The following GPHN variants were observed in gnomAD, a reference collection of about 807,000 sequenced individuals.
GPHN encodes the protein gephyrin.
GPHN carries 17 observed loss-of-function variants against 95.5 expected under a neutral mutation model. That is an observed-to-expected ratio of 0.18 (90% CI 0.12 to 0.27). The LOEUF (loss-of-function observed/expected upper bound fraction) is 0.27, where lower values mean the gene tolerates loss of function less well. Among genes scored for constraint, GPHN ranks in the 10% least tolerant of loss-of-function variants. GPHN has a pLI of 1.00. For missense variants in GPHN, 660 were observed against 978.1 expected (o/e 0.67, Z 4.34); for synonymous variants, 320 against 322.5 (o/e 0.99, Z 0.08).
intron 1 of GPHN, among the ~76,000 whole-genome samples, chr14:66,593,563 C>G (rs1379812144): frequency 6.6e-6 from 1 of 152,146 alleles, no homozygotes; most frequent in Admixed American, 6.5e-5. Flanking sequence ...GCCCAAGATC[C>G]AGTCACCTCC....
At chr14:67,159,291 C>T (rs2153717571) in intron 18 of GPHN, 124 bp from the exon 19 acceptor site, 1 of 733,886 alleles carries the variant, frequency 1.4e-6, no homozygotes, top group African/African-American at 1.8e-5. Context: ...AGCAAATCAA[C>T]TCCATTAAAA....
the GPHN span, among the ~76,000 whole-genome samples, chr14:67,549,184 G>A: frequency 6.6e-6 from 1 of 152,288 alleles, no homozygotes; most frequent in Non-Finnish European, 1.5e-5. Flanking sequence ...TGTGCTCACA[G>A]ATCTGATTTG....
the GPHN span, chr14:67,197,307 G>C: frequency 6.6e-6 from 1 of 152,170 alleles, no homozygotes; most frequent in African/African-American, 2.4e-5. Flanking sequence ...AAACTGAAGT[G>C]AGTTAAAAAC....
chr14:66,721,510 T>C (rs1286417851), intron 2 of GPHN, among the ~76,000 whole-genome samples: 2 of 152,172 alleles, frequency 1.3e-5, no homozygotes, highest in Non-Finnish European at 2.9e-5. Context: ...CAGTTCTTAT[T>C]TGACAGTACT....
chr14:67,663,470 G>A, the GPHN span, among the ~76,000 whole-genome samples: 30 of 152,016 alleles, frequency 2.0e-4, no homozygotes, highest in African/African-American at 6.7e-4. Flanking sequence ...TCAGGAGATC[G>A]AGACCATCCT....
At chr14:66,961,613 G>A (rs1477348131) in intron 8 of GPHN, among the ~76,000 whole-genome samples, 4 of 151,212 alleles carry the variant, frequency 2.6e-5, no homozygotes, top group African/African-American at 2.4e-5. Context: ...GGATTTGAAC[G>A]GGGACTTCAC....
chr14:67,338,668 C>G, the GPHN span: 3 of 1,614,004 alleles, frequency 1.9e-6, no homozygotes, highest in African/African-American at 2.7e-5. Context: ...AGAAGATTAG[C>G]AGGCTCCAAC....
At position 66,922,801 on chromosome 14, in the gene GPHN, A is replaced by G. The variant is rs776521403; in HGVS notation, c.592A>G (p.Thr198Ala). Residue 198 changes from threonine to alanine, a missense_variant, in exon 7 of 23, where the codon ACT (threonine) becomes GCT (alanine). Transcript: ENST00000478722. ...SPPPPLSPPPTTSPHKQTEDK... is the reference protein window; with the variant it reads ...SPPPPLSPPPATSPHKQTEDK... ...ACCTCCCCCTCTTTCCCCTCCTCCT[A>G]CTACCAGCCCCCATAAACAGACAGA... 6.2e-7 allele frequency: 1 copy of G among 1,612,598 alleles called. No homozygotes were observed. The highest frequency in any genetic ancestry group is 8.5e-7 in the Non-Finnish European group (1 of 1,179,346).
chr14:66,611,724 A>C (rs1161312792), intron 1 of GPHN, among the ~76,000 whole-genome samples: 1 of 152,136 alleles, frequency 6.6e-6, no homozygotes, highest in Non-Finnish European at 1.5e-5. Context: ...ATGTAACTTG[A>C]TATTTGCTCT....
chr14:67,177,016 T>A (rs1355560664), intron 21 of GPHN, among the ~76,000 whole-genome samples: 1 of 152,234 alleles, frequency 6.6e-6, no homozygotes, highest in African/African-American at 2.4e-5. Flanking sequence ...GTTGACCTTT[T>A]CAAAAAACCA....
At chr14:67,274,919 T>C in the GPHN span, among the ~76,000 whole-genome samples, 1 of 152,074 alleles carries the variant, frequency 6.6e-6, no homozygotes, top group East Asian at 1.9e-4. Context: ...TTTGGCTCTC[T>C]ATTTGTCTGT....
At chr14:66,679,708 A>G (rs2066828182) in intron 1 of GPHN, among the ~76,000 whole-genome samples, 2 of 152,164 alleles carry the variant, frequency 1.3e-5, no homozygotes, top group African/African-American at 2.4e-5. Flanking sequence ...TGCTGTATTC[A>G]GTCAGTTATA....
At chr14:67,303,327 T>G in the GPHN span, among the ~76,000 whole-genome samples, 1 of 152,374 alleles carries the variant, frequency 6.6e-6, no homozygotes, top group East Asian at 1.9e-4. Context: ...GATTCTGTTG[T>G]AAAATCTAGA....
intron 8 of GPHN, among the ~76,000 whole-genome samples, chr14:66,949,184 A>G (rs1287056373): frequency 6.6e-6 from 1 of 152,140 alleles, no homozygotes; most frequent in Non-Finnish European, 1.5e-5. Flanking sequence ...TCCTGGGTTC[A>G]AGCGATTCTC....
chr14:67,724,872 A>G, the GPHN span, among the ~76,000 whole-genome samples: 79 of 152,346 alleles, frequency 5.2e-4, no homozygotes, highest in African/African-American at 1.7e-3. Context: ...GACATTAAAT[A>G]TCAGAATGTA....
the GPHN span, among the ~76,000 whole-genome samples, chr14:67,350,145 A>T: frequency 1.3e-5 from 2 of 152,242 alleles, no homozygotes; most frequent in Non-Finnish European, 2.9e-5. Context: ...ATGTCACCAA[A>T]GCCATGAAGT....
chr14:67,632,804 C>T, the GPHN span, among the ~76,000 whole-genome samples: 23 of 126,402 alleles, frequency 1.8e-4, 1 homozygote, highest in Admixed American at 1.8e-3. Flanking sequence ...AATTAAGCCT[C>T]TTAATTTTTT....
chr14:67,642,397 A>T, the GPHN span: 20 of 1,608,894 alleles, frequency 1.2e-5, no homozygotes, highest in Non-Finnish European at 1.7e-6. Flanking sequence ...GAGGGGATGG[A>T]TTACATGGTG....
At chr14:66,850,795 C>T (rs919332045) in intron 4 of GPHN, among the ~76,000 whole-genome samples, 2 of 151,910 alleles carry the variant, frequency 1.3e-5, no homozygotes, top group Admixed American at 1.3e-4. Flanking sequence ...CTGGAGGCTG[C>T]GGGTACATGG....
Sources: allele counts gnomAD v4.1 joint callset (sites outside exome capture counted in the v4.1 genomes callset), GRCh38; gene constraint gnomAD v4.1.1; transcripts MANE v1.5; gene names NCBI Gene and HGNC (gene_info 2026-07-23, HGNC 2026-07-21).